The following DIP2C variants were observed in gnomAD, a reference collection of about 807,000 sequenced individuals.
DIP2C encodes the protein disco-interacting protein 2 homolog C.
In DIP2C, 33 loss-of-function variants were observed where a neutral mutation model predicts 192.4. That is an observed-to-expected ratio of 0.17 (90% CI 0.13 to 0.23). The LOEUF is 0.23. DIP2C is among the 10% of genes least tolerant of loss of function. DIP2C has a pLI of 1.00. For synonymous variants in DIP2C, 979 were observed against 864.1 expected (o/e 1.13, Z -2.33); for missense variants, 1,537 against 2,110.1 (o/e 0.73, Z 5.32).
intron 1 of DIP2C, among the ~76,000 whole-genome samples, chr10:621,633 C>T (rs994818451): frequency 6.6e-6 from 1 of 152,156 alleles, no homozygotes; most frequent in African/African-American, 2.4e-5. Context: ...CTCCCTATCT[C>T]GGGGGAGACC....
intron 1 of DIP2C, among the ~76,000 whole-genome samples, chr10:680,510 T>A (rs539457457): frequency 6.6e-6 from 1 of 151,586 alleles, no homozygotes; most frequent in South Asian, 2.1e-4. Flanking sequence ...ACAACCTGCT[T>A]AGGATGATTC....
chr10:376,130 CT>C, intron 17 of DIP2C, among the ~76,000 whole-genome samples: 1 of 152,230 alleles, frequency 6.6e-6, no homozygotes, highest in Non-Finnish European at 1.5e-5. Context: ...TCACACGGGC[CT>C]CTGACGTAGC....
chr10:417,923 T>C (rs61837184), intron 6 of DIP2C, among the ~76,000 whole-genome samples: 3,839 of 24,668 alleles, frequency 0.16, 206 homozygotes, highest in Non-Finnish European at 0.24. Flanking sequence ...TGTCCACCTG[T>C]TCCTGTCAGG....
At chr10:480,746 CG>C (rs1843544556) in intron 2 of DIP2C, among the ~76,000 whole-genome samples, 1 of 152,212 alleles carries the variant, frequency 6.6e-6, no homozygotes. Context: ...AATAAACGTA[CG>C]GGATCAAACT....
intron 1 of DIP2C, among the ~76,000 whole-genome samples, chr10:629,478 T>C (rs898856729): frequency 1.3e-5 from 2 of 152,182 alleles, no homozygotes; most frequent in East Asian, 3.9e-4. Flanking sequence ...CAGGGCACAC[T>C]GGGACCAGCC....
intron 1 of DIP2C, among the ~76,000 whole-genome samples, chr10:674,547 A>G (rs1262524801): frequency 6.6e-6 from 1 of 151,952 alleles, no homozygotes; most frequent in African/African-American, 2.4e-5. Context: ...AGGCAGGTGG[A>G]TCACCTGAGG....
At chr10:431,753 C>T (rs1253996486) in intron 4 of DIP2C, among the ~76,000 whole-genome samples, 1 of 152,182 alleles carries the variant, frequency 6.6e-6, no homozygotes, top group Non-Finnish European at 1.5e-5. Flanking sequence ...ATTGCATTAG[C>T]TAGGACTTCT....
chr10:277,906 CT>C (rs1277282452), intron 36 of DIP2C, among the ~76,000 whole-genome samples: 1 of 152,266 alleles, frequency 6.6e-6, no homozygotes, highest in Non-Finnish European at 1.5e-5. Flanking sequence ...TTGCTGCTGC[CT>C]GGAGGACCAA....
intron 17 of DIP2C, among the ~76,000 whole-genome samples, chr10:376,640 G>C (rs551873031): frequency 6.6e-6 from 1 of 150,762 alleles, no homozygotes; most frequent in African/African-American, 2.4e-5. Context: ...TTAGATGGAC[G>C]TAAATCAGCC....
intron 1 of DIP2C, chr10:650,575 A>C (rs1855814392): frequency 1.6e-6 from 1 of 625,864 alleles, no homozygotes; most frequent in African/African-American, 1.8e-5. Flanking sequence ...GCCAGGAGGG[A>C]CGTGGGCCCC....
chr10:675,239 C>T (rs946981416), intron 1 of DIP2C, among the ~76,000 whole-genome samples: 2 of 151,546 alleles, frequency 1.3e-5, no homozygotes, highest in Non-Finnish European at 2.9e-5. Flanking sequence ...TTTATTGAAA[C>T]AAATGAAAAC....
At chr10:534,387 T>C (rs1378211885) in intron 1 of DIP2C, among the ~76,000 whole-genome samples, 1 of 152,220 alleles carries the variant, frequency 6.6e-6, no homozygotes, top group East Asian at 1.9e-4. Flanking sequence ...GGGTCCCTGC[T>C]AGTCACAGAT....
intron 1 of DIP2C, among the ~76,000 whole-genome samples, chr10:688,712 C>T (rs773838848): frequency 1.3e-5 from 2 of 152,078 alleles, no homozygotes; most frequent in Non-Finnish European, 1.5e-5. Context: ...GACAGTTGAG[C>T]ACATGATCTC....
chr10:593,667 T>TC (rs1851535726), intron 1 of DIP2C, among the ~76,000 whole-genome samples: 2 of 151,734 alleles, frequency 1.3e-5, no homozygotes, highest in African/African-American at 4.8e-5. Context: ...ACGGGCGGGG[T>TC]CCCCAGATGC....
At chr10:501,688 C>T (rs1169260377) in intron 1 of DIP2C, among the ~76,000 whole-genome samples, 4 of 152,144 alleles carry the variant, frequency 2.6e-5, no homozygotes, top group South Asian at 4.2e-4. Flanking sequence ...AGGACTGGCA[C>T]GGAGAAACAC....
intron 1 of DIP2C, among the ~76,000 whole-genome samples, chr10:499,021 C>T (rs1341447011): frequency 6.6e-6 from 1 of 152,228 alleles, no homozygotes; most frequent in African/African-American, 2.4e-5. Context: ...GAATTCTCAA[C>T]CACCAGTTTT....
intron 3 of DIP2C, among the ~76,000 whole-genome samples, chr10:442,240 C>T (rs963040192): frequency 1.3e-5 from 2 of 152,158 alleles, no homozygotes; most frequent in African/African-American, 4.8e-5. Flanking sequence ...GGGAATCAGA[C>T]ATGTCTTTCC....
Position 636,510 on chromosome 10 carries a change from G to A in DIP2C, c.85+52984C>T, listed in dbSNP as rs190548023. On this transcript the variant is annotated intron_variant, in intron 1 of 36. Transcript: ENST00000280886. This position sits in a 1 kb window ranked among gnomAD's most constrained non-coding sequence, Gnocchi z 4.6. ...TCCTGCCACCTCGCCGAGTCCTCAC[G>A]CACGCGTTCCCTAAGAATAAAGGAC... 2.0e-5 allele frequency among the ~76,000 whole-genome samples: 3 copies of A among 152,212 alleles called. No homozygotes were observed. In the East Asian group the frequency reaches 5.8e-4, roughly 29 times the overall value.
chr10:477,865 CAG>C (rs1482597144), intron 2 of DIP2C, among the ~76,000 whole-genome samples: 6 of 110,808 alleles, frequency 5.4e-5, no homozygotes, highest in East Asian at 2.6e-4. Flanking sequence ...GTGAAGGAAG[CAG>C]AGAGAAGAAA....
Sources: allele counts gnomAD v4.1 joint callset (sites outside exome capture counted in the v4.1 genomes callset), GRCh38; gene constraint gnomAD v4.1.1; non-coding constraint Gnocchi (gnomAD v3.1); transcripts MANE v1.5; gene names NCBI Gene and HGNC (gene_info 2026-07-23, HGNC 2026-07-21).